The following MTSS2 variants were observed in gnomAD, a reference collection of about 807,000 sequenced individuals.
MTSS2 encodes MTSS I-BAR domain containing 2, also known as protein MTSS 2.
In MTSS2, 27 loss-of-function variants were observed where a neutral mutation model predicts 67.1. The ratio of observed to expected loss-of-function variants is 0.40; its 90% CI spans 0.30 to 0.55. MTSS2 has a LOEUF of 0.55. MTSS2 is among the 20% of genes least tolerant of loss of function. The probability of loss-of-function intolerance (pLI) is 0.43; values close to 1 mark genes in which losing one functional copy is unlikely to be tolerated. For missense variants in MTSS2, 1,171 were observed against 1,067.8 expected, an observed-to-expected ratio of 1.10 and a Z score of -1.35; for synonymous variants, 624 against 468.6, an observed-to-expected ratio of 1.33 and a Z score of -4.28.
chr16:70,677,050 ACTCT>A (rs1374345934), intron 9 of MTSS2, 72 bp from the exon 10 acceptor site: 9 of 1,147,736 alleles, frequency 7.8e-6, no homozygotes, highest in Non-Finnish European at 1.1e-5. Flanking sequence ...GCCCCCCCCC[ACTCT>A]CTAATTGTGA....
Position 70,676,865 on chromosome 16 carries a change from C to T in MTSS2, c.830+16G>A. 4 of 1,609,756 alleles carry T rather than the reference C, an allele frequency of 2.5e-6. No individual in the cohort carries two copies. In the Admixed American group the frequency reaches 5.0e-5, roughly 20 times the overall value. On this transcript the variant is annotated intron_variant, in intron 10 of 14. Transcript: ENST00000338779. ...ATACCGCCCCCCACACCCCTGGGAA[C>T]CCCACCCCCACTGACCTGCACATGC...
chr16:70,681,331 G>T (rs1406936875), intron 1 of MTSS2, among the ~76,000 whole-genome samples: 1 of 152,238 alleles, frequency 6.6e-6, no homozygotes, highest in Non-Finnish European at 1.5e-5. Flanking sequence ...GGAGCAGGAA[G>T]TGGCAGGTCC....
In MTSS2 at chr16:70,663,844, A is replaced by G. The variant is rs1170346524; in HGVS notation, c.2077T>C (p.Phe693Leu). ...GCCGACAGAGCAGTGGGGAAGGGGA[A>G]CTGGCCCTCACCCAGTGCGTGGGCA... ...AGAHALGEGQ[F>L]PFPTALSATP... The change falls in exon 15 of 15, where the codon TTC becomes CTC. Residue 693 changes from phenylalanine to leucine, a missense_variant. By Grantham distance (22) the Phe-to-Leu change is conservative. This residue lies in a region of MTSS2 where 924 missense variants were observed against 756.0 expected (regional missense o/e 1.22). Coordinates refer to ENST00000338779, the MANE Select transcript of MTSS2 (RefSeq NM_138383.3). 1 of 1,539,914 alleles carries G rather than the reference A, an allele frequency of 6.5e-7. No homozygotes were observed. The highest frequency in any genetic ancestry group is 8.7e-7 in the Non-Finnish European group (1 of 1,145,558).
chr16:70,662,318 G>C lies in MTSS2; in HGVS notation c.*1359C>G, dbSNP rs543252041. 2 of 152,364 alleles carry C rather than the reference G, an allele frequency of 1.3e-5. No individual in the cohort carries two copies. Among genetic ancestry groups the C allele is most frequent in the East Asian group, 1.9e-4 (1 of 5,162 alleles). 9.4% of individuals were successfully genotyped at this position (152,364 alleles called of 1,614,324 possible). On this transcript the variant is annotated 3_prime_UTR_variant, in exon 15 of 15. Transcript: ENST00000338779. ...CTGCGGGGCCACCAGGACTCCCTCC[G>C]CTCGCCCTAGGCTCACGTGCTTTTA...
At position 70,661,556 on chromosome 16, in the gene MTSS2, A is replaced by G. The variant is rs934338715; in HGVS notation, c.*2121T>C. 5 of 351,002 alleles carry G rather than the reference A, an allele frequency of 1.4e-5. No homozygotes were observed. The highest frequency in any genetic ancestry group is 1.1e-4 in the African/African-American group (5 of 46,458). 21.7% of individuals were successfully genotyped at this position (351,002 alleles called of 1,614,324 possible). ...ATTAAACGAACGTAAAGTCCCCCAA[A>G]CCAAAGTTTGTGATGTGGGATGGTT... On this transcript the variant is annotated 3_prime_UTR_variant, in exon 15 of 15. Transcript: ENST00000338779.
chr16:70,679,492 C>A, intron 6 of MTSS2, 138 bp downstream of exon 6: 1 of 1,229,286 alleles, frequency 8.1e-7, no homozygotes, highest in South Asian at 1.4e-5. Context: ...CCCTCTGTCC[C>A]ACCCAACAGG....
intron 12 of MTSS2, 103 bp from the exon 13 acceptor site, chr16:70,665,199 G>A (rs891740929): frequency 3.0e-6 from 4 of 1,343,864 alleles, no homozygotes; most frequent in Non-Finnish European, 4.0e-6. Context: ...GGGCTATCAG[G>A]GGGTCTCTGG....
rs181673438 is a variant in MTSS2, at chr16:70,669,309, G to C, written c.1054-3769C>G. On this transcript the variant is annotated intron_variant, in intron 11 of 14. Coordinates refer to ENST00000338779, the MANE Select transcript of MTSS2 (RefSeq NM_138383.3). ...AAGTTCTATAAATTGGTAAGAAGAA[G>C]ACAGATAATCCAGTAGAAAAATGGG... Among the ~76,000 whole-genome samples, 77 of 152,310 alleles carry C rather than the reference G, an allele frequency of 5.1e-4. No homozygotes were observed. The Middle Eastern group carries it at 0.038, about 75-fold the overall frequency.
Position 70,674,375 on chromosome 16 carries a change from A to G in MTSS2, c.984T>C (p.Ser328=). 1.9e-6 allele frequency: 3 copies of G among 1,614,162 alleles called. No individual in the cohort carries two copies. The highest frequency in any genetic ancestry group is 8.5e-7 in the Non-Finnish European group (1 of 1,180,034). ...ARLSSVSSHD[S]GFVSQDATYS... is the part of the protein sequence containing the mutation. The stretch of plus-strand genomic sequence containing the variant: ...AGGTGGCGTCCTGGGAGACGAAGCC[A>G]GAGTCATGGGAGGAAACGCTGGAGA... Residue 328 remains serine (S), a synonymous_variant, in exon 11 of 15, where the codon TCT becomes TCC. Transcript: ENST00000338779.
chr16:70,665,639 G>C, intron 11 of MTSS2, 99 bp from the exon 12 acceptor site: 2 of 1,054,002 alleles, frequency 1.9e-6, no homozygotes, highest in Non-Finnish European at 2.7e-6. Flanking sequence ...TGGCATGCAG[G>C]GGGGCGGTTC....
At chr16:70,665,338 G>T in intron 12 of MTSS2, 128 bp downstream of exon 12, 1 of 1,062,316 alleles carries the variant, frequency 9.4e-7, no homozygotes, top group South Asian at 1.6e-5. Context: ...GTCTCTTGGG[G>T]ACAGGTGCTG....
At chr16:70,676,277 C>T (rs535008550) in intron 10 of MTSS2, among the ~76,000 whole-genome samples, 7 of 152,244 alleles carry the variant, frequency 4.6e-5, no homozygotes, top group Admixed American at 2.6e-4. Flanking sequence ...CTAGTGACTG[C>T]GAGATCCTTG....
intron 1 of MTSS2, among the ~76,000 whole-genome samples, chr16:70,682,290 G>C (rs1317318187): frequency 2.6e-5 from 4 of 152,190 alleles, no homozygotes; most frequent in Non-Finnish European, 5.9e-5. Context: ...GAAGGGGCCT[G>C]GGAAGCTGTT....
intron 1 of MTSS2, among the ~76,000 whole-genome samples, chr16:70,683,352 C>T (rs181758222): frequency 5.3e-5 from 8 of 152,328 alleles, no homozygotes; most frequent in South Asian, 2.1e-4. Context: ...CAGCACTCCT[C>T]GCAGCGCCCA....
At position 70,685,757 on chromosome 16, in the gene MTSS2, C is replaced by T; in HGVS notation, c.35G>A (p.Gly12Asp). 3.6e-6 allele frequency: 5 copies of T among 1,396,332 alleles called. No individual in the cohort carries two copies. The highest frequency in any genetic ancestry group is 1.3e-5 in the South Asian group (1 of 76,400). 86.5% of individuals were successfully genotyped at this position (1,396,332 alleles called of 1,614,324 possible). A position where few individuals can be genotyped will look rare whatever the true frequency, so the allele number is the denominator to read the frequency against. Residue 12 changes from glycine to aspartate, a missense_variant, in exon 1 of 15, where the codon GGC becomes GAC. Transcript: ENST00000338779. Reference sequence around the variant, plus strand: ...GTTGACTATGGCCTGGAAGAGCCCGCCCAGGGCGCCGCACTCCTTCTCCGC... The same window carrying T: ...GTTGACTATGGCCTGGAAGAGCCCGTCCAGGGCGCCGCACTCCTTCTCCGC... Reference protein sequence around the residue: ...ETAEKECGALGGLFQAIVNDM... With the variant: ...ETAEKECGALDGLFQAIVNDM...
chr16:70,661,795 A>T lies in MTSS2; in HGVS notation c.*1882T>A, dbSNP rs1410770884. ...GCCTCCTTTCCCATCAGGACCTCTG[A>T]CGCCCAGGTCTGCCCACCCACTGCC... On this transcript the variant is annotated 3_prime_UTR_variant, in exon 15 of 15. Coordinates refer to ENST00000338779, the MANE Select transcript of MTSS2 (RefSeq NM_138383.3). 5.5e-6 allele frequency: 1 copy of T among 182,678 alleles called. No homozygotes were observed. Among genetic ancestry groups the T allele is most frequent in the Non-Finnish European group, 1.1e-5 (1 of 87,024 alleles). 11.3% of individuals were successfully genotyped at this position (182,678 alleles called of 1,614,324 possible). A position where few individuals can be genotyped will look rare whatever the true frequency, so the allele number is the denominator to read the frequency against.
At chr16:70,674,600 A>G in intron 10 of MTSS2, 72 bp from the exon 11 acceptor site, 1 of 1,371,942 alleles carries the variant, frequency 7.3e-7, no homozygotes, top group Non-Finnish European at 1.0e-6. Flanking sequence ...GGGGAGGTTG[A>G]CAAACGAGGG....
rs1377599016 is a variant in MTSS2 at position 70,662,077 on chromosome 16, T to G, written c.*1600A>C. The G allele has an allele frequency of 3.9e-5, 6 of 152,236 alleles. No individual in the cohort carries two copies. Among genetic ancestry groups the G allele is most frequent in the African/African-American group, 1.4e-4 (6 of 41,394 alleles). 9.4% of individuals were successfully genotyped at this position (152,236 alleles called of 1,614,324 possible). ...CTTCATCAGCTCCCTCTGATGGGACTCTGTCCACATCAGGGCCTGCTTGGT... is the reference window on the plus strand; with the variant it reads ...CTTCATCAGCTCCCTCTGATGGGACGCTGTCCACATCAGGGCCTGCTTGGT... On this transcript the variant is annotated 3_prime_UTR_variant, in exon 15 of 15. Coordinates refer to ENST00000338779, the MANE Select transcript of MTSS2 (RefSeq NM_138383.3).
chr16:70,674,638 G>A, intron 10 of MTSS2, 110 bp from the exon 11 acceptor site: 1 of 914,558 alleles, frequency 1.1e-6, no homozygotes. Flanking sequence ...GGCAAAGGAA[G>A]GAAAAGACAA....
Sources: allele counts gnomAD v4.1 joint callset (sites outside exome capture counted in the v4.1 genomes callset), GRCh38; gene constraint gnomAD v4.1.1; regional missense constraint gnomAD v4.1.1; transcripts MANE v1.5; gene names NCBI Gene and HGNC (gene_info 2026-07-23, HGNC 2026-07-21).